The following SLC12A6 variants were observed in gnomAD, a reference collection of about 807,000 sequenced individuals.
SLC12A6 encodes solute carrier family 12 member 6, also known as K-Cl cotransporter 3.
In SLC12A6, 66 loss-of-function variants were observed where a neutral mutation model predicts 135.3. The observed-to-expected ratio is 0.49, with a 90% confidence interval of 0.40 to 0.60. The LOEUF (loss-of-function observed/expected upper bound fraction) is 0.60, where lower values mean the gene tolerates loss of function less well. Ranked by LOEUF, SLC12A6 falls within the 20% of genes least tolerant of loss-of-function variation. The pLI is 0.00. For synonymous variants in SLC12A6, 513 were observed against 508.8 expected (o/e 1.01, Z -0.11); for missense variants, 1,058 against 1,452.3 (o/e 0.73, Z 4.41).
chr15:34,331,709 A>C (rs1889862934), intron 2 of SLC12A6, among the ~76,000 whole-genome samples: 1 of 152,230 alleles, frequency 6.6e-6, no homozygotes, highest in African/African-American at 2.4e-5. Flanking sequence ...GTAAATAAAA[A>C]CAAAATATAG....
chr15:34,301,223 G>A (rs1469315490), intron 2 of SLC12A6, among the ~76,000 whole-genome samples: 2 of 151,772 alleles, frequency 1.3e-5, no homozygotes, highest in East Asian at 3.9e-4. Context: ...AGGGATTACA[G>A]GTGTGAGCCA....
chr15:34,322,785 C>G (rs1461024065), intron 2 of SLC12A6, among the ~76,000 whole-genome samples: 9 of 151,186 alleles, frequency 6.0e-5, no homozygotes, highest in Admixed American at 5.9e-4. Context: ...TGAGACCAGC[C>G]CAGCCAACAT....
At chr15:34,241,715 T>C (rs1002023483) in intron 17 of SLC12A6, among the ~76,000 whole-genome samples, 1 of 152,262 alleles carries the variant, frequency 6.6e-6, no homozygotes, top group Non-Finnish European at 1.5e-5. Context: ...TGAATAAGAA[T>C]GTTATTTCGT....
chr15:34,299,014 G>C (rs1009622089), intron 2 of SLC12A6, among the ~76,000 whole-genome samples: 1 of 152,162 alleles, frequency 6.6e-6, no homozygotes. Context: ...ACTGCCAGGA[G>C]ACCCCAAACA....
chr15:34,250,594 A>G, intron 12 of SLC12A6, 37 bp downstream of exon 12: 1 of 1,128,128 alleles, frequency 8.9e-7, no homozygotes, highest in Non-Finnish European at 1.4e-6. Context: ...GGATGCTCCT[A>G]TGACTAAGAC....
chr15:34,302,563 C>T lies in SLC12A6; in HGVS notation c.272-27174G>A, dbSNP rs186672988. Reference sequence around the variant, plus strand: ...TACAAAAATTAGCCAGGTGTGGTGGCGGGAGCCTGTAATCCCAGCTACTCG... The same window carrying T: ...TACAAAAATTAGCCAGGTGTGGTGGTGGGAGCCTGTAATCCCAGCTACTCG... On this transcript the variant is annotated intron_variant, in intron 2 of 25. Coordinates refer to ENST00000354181, the MANE Select transcript of SLC12A6 (RefSeq NM_001365088.1). Among the ~76,000 whole-genome samples, 330 of 152,136 alleles carry T rather than the reference C, an allele frequency of 2.2e-3. 1 individual carries two copies. Among genetic ancestry groups the T allele is most frequent in the Middle Eastern group, 0.02 (6 of 294 alleles).
chr15:34,234,069 T>C lies in SLC12A6; in HGVS notation c.3362-97A>G, dbSNP rs115102582. 9.8e-4 allele frequency: 736 copies of C among 751,270 alleles called. 2 individuals are homozygous for C. In the African/African-American group the frequency reaches 0.012, roughly 12 times the overall value. The allele number at this position is 751,270 out of a possible 1,614,324, so 46.5% of individuals were successfully genotyped here. The stretch of plus-strand genomic sequence containing the variant: ...GTTATCTGATCATAGAGCTACAAAA[T>C]TAGCTGCTTAATTATTATATATTCA... On this transcript the variant is annotated intron_variant, in intron 25 of 25. Transcript: ENST00000354181.
chr15:34,282,234 T>C (rs1211540721), intron 2 of SLC12A6, among the ~76,000 whole-genome samples: 1 of 152,208 alleles, frequency 6.6e-6, no homozygotes, highest in African/African-American at 2.4e-5. Flanking sequence ...ACTTGTCAAA[T>C]CTATTTAATA....
chr15:34,250,809 A>C, intron 11 of SLC12A6, 80 bp from the exon 12 acceptor site: 1 of 1,405,182 alleles, frequency 7.1e-7, no homozygotes, highest in South Asian at 1.2e-5. Context: ...AGTAGAAGCA[A>C]ATCTAGGAAC....
chr15:34,276,024 AAC>A (rs1894274927), intron 2 of SLC12A6, among the ~76,000 whole-genome samples: 1 of 152,162 alleles, frequency 6.6e-6, no homozygotes, highest in Non-Finnish European at 1.5e-5. Flanking sequence ...AAATTCTGGA[AAC>A]AGATAGTGGT....
At chr15:34,271,945 G>A (rs141639323) in intron 3 of SLC12A6, among the ~76,000 whole-genome samples, 27 of 152,002 alleles carry the variant, frequency 1.8e-4, no homozygotes, top group African/African-American at 6.5e-4. Context: ...GGGAGAGCTG[G>A]GAAGATTTTC....
chr15:34,245,872 G>A lies in SLC12A6; in HGVS notation c.1650-5C>T. On this transcript the variant is annotated splice_polypyrimidine_tract_variant and splice_region_variant and intron_variant, in intron 13 of 25. Coordinates refer to ENST00000354181, the MANE Select transcript of SLC12A6 (RefSeq NM_001365088.1). ...CCTTTCACAGCATCACCGAACCTGG[G>A]AAAGAAATAGGAGTGGGAAATTTAA... The A allele has an allele frequency of 2.5e-6, 4 of 1,608,296 alleles. No homozygotes were observed. Among genetic ancestry groups the A allele is most frequent in the South Asian group, 1.1e-5 (1 of 90,950 alleles).
chr15:34,318,424 G>A (rs1888805629), intron 2 of SLC12A6: 2 of 765,418 alleles, frequency 2.6e-6, no homozygotes, highest in African/African-American at 1.7e-5. Context: ...ACAGGGGAGT[G>A]AAATAAGTAA....
rs779557719 is a variant in SLC12A6 at position 34,257,705 on chromosome 15, T to C, written c.627A>G (p.Thr209=). 6 of 1,611,882 alleles carry C rather than the reference T, an allele frequency of 3.7e-6. No homozygotes were observed. The highest frequency in any genetic ancestry group is 2.2e-5 in the South Asian group (2 of 91,024). The change falls in exon 6 of 26, where the codon ACA becomes ACG. Residue 209 remains threonine (T), a synonymous_variant. Coordinates refer to ENST00000354181, the MANE Select transcript of SLC12A6 (RefSeq NM_001365088.1). ...GAACTCCAGCTGTGCCCACCACCCA[T>C]GTAAGGCGTAAAAAAAGGATCACTC... is the stretch of plus-strand genomic sequence containing the variant. ...IFGVILFLRL[T]WVVGTAGVLQ...
In SLC12A6 at chr15:34,275,363, C is replaced by A. The variant is rs573444140; in HGVS notation, c.298G>T (p.Glu100Ter). The A allele has an allele frequency of 6.5e-7, 1 of 1,548,254 alleles. No homozygotes were observed. Among genetic ancestry groups the A allele is most frequent in the East Asian group, 2.3e-5 (1 of 44,404 alleles). The change falls in exon 3 of 26, where the codon GAA becomes TAA. Residue 100 changes from glutamate to a stop codon, truncating the protein, a stop_gained. Coordinates refer to ENST00000354181, the MANE Select transcript of SLC12A6 (RefSeq NM_001365088.1). LOFTEE classifies it high-confidence loss of function. ...ACTATACCTAACAGTTGGCTGTGTT[C>A]CCCTGTGATGGAGTTCTGACTCAGG... ...EDLSQNSITGEHSQLLDDGHK... is the reference protein window; with the variant it reads ...EDLSQNSITG
At chr15:34,308,593 T>G (rs1417728538) in intron 2 of SLC12A6, among the ~76,000 whole-genome samples, 1 of 130,518 alleles carries the variant, frequency 7.7e-6, no homozygotes, top group African/African-American at 3.0e-5. Context: ...CCACTGCACT[T>G]CAGCCTGAGC....
intron 2 of SLC12A6, among the ~76,000 whole-genome samples, chr15:34,318,325 T>A (rs958694611): frequency 6.6e-6 from 1 of 152,216 alleles, no homozygotes; most frequent in Non-Finnish European, 1.5e-5. Context: ...TGCCACTGAT[T>A]CAGTTTCACC....
intron 13 of SLC12A6, among the ~76,000 whole-genome samples, chr15:34,248,568 CCACACACACA>C (rs34055235): frequency 6.7e-6 from 1 of 149,384 alleles, no homozygotes; most frequent in Non-Finnish European, 1.5e-5. Flanking sequence ...ACACCCCCAC[CCACACACACA>C]CACACACACA....
At chr15:34,266,981 C>T (rs1391701390) in intron 3 of SLC12A6, among the ~76,000 whole-genome samples, 1 of 152,028 alleles carries the variant, frequency 6.6e-6, no homozygotes, top group East Asian at 1.9e-4. Context: ...CATTCTCATC[C>T]TCTATCTCTC....
Sources: gnomAD v4.1 joint callset for allele counts (sites outside exome capture counted in the v4.1 genomes callset) on GRCh38, gnomAD v4.1.1 for gene constraint, MANE v1.5 for transcripts, NCBI Gene and HGNC (gene_info 2026-07-23, HGNC 2026-07-21) for gene names.